REPS2: variants seen among roughly 807,000 people sequenced by gnomAD.
The protein encoded by REPS2 is ralBP1-associated Eps domain-containing protein 2.
In REPS2, 23 loss-of-function variants were observed where a neutral mutation model predicts 53.6. The ratio of observed to expected loss-of-function variants is 0.43; its 90% confidence interval spans 0.31 to 0.61. The LOEUF (loss-of-function observed/expected upper bound fraction) is 0.61, where lower values mean the gene tolerates loss of function less well. REPS2 is among the 20% of genes least tolerant of loss of function. The probability of loss-of-function intolerance (pLI) is 0.11; values close to 1 mark genes in which losing one functional copy is unlikely to be tolerated. For missense variants in REPS2, 446 were observed against 534.9 expected (o/e 0.83, Z 1.64); for synonymous variants, 238 against 218.6 (o/e 1.09, Z -0.78).
intron 2 of REPS2, among the ~76,000 whole-genome samples, chrX:17,016,123 G>A (rs999511285): frequency 3.6e-5 from 4 of 112,064 alleles, no homozygotes; most frequent in South Asian, 3.8e-4. Flanking sequence ...GTGAGATGGT[G>A]TCTCTCTGTG....
rs771402715 is a variant in REPS2, at chrX:17,030,264, T to C, written c.771+641T>C. Among the ~76,000 whole-genome samples, 4 of 111,724 alleles carry C rather than the reference T, an allele frequency of 3.6e-5. No homozygotes were observed. The Admixed American group carries it at 3.8e-4, about 11-fold the overall frequency. ...TGTTCTCTGTCTGCAGCTGTTGCCT[T>C]GTGTAGTGTCTCTGGGTCCTGTGCT... On this transcript the variant is annotated intron_variant, in intron 5 of 17. Transcript: ENST00000357277.
the REPS2 span, among the ~76,000 whole-genome samples, chrX:17,190,572 A>T: frequency 8.9e-6 from 1 of 112,462 alleles, no homozygotes; most frequent in Non-Finnish European, 1.9e-5. Flanking sequence ...ATTCAATGCA[A>T]TCCTAATCAA....
intron 14 of REPS2, among the ~76,000 whole-genome samples, chrX:17,120,038 G>A (rs1310776113): frequency 1.8e-5 from 2 of 110,172 alleles, no homozygotes; most frequent in East Asian, 5.7e-4. Context: ...CACCACGTCC[G>A]GCTAATTTTT....
chrX:17,167,684 A>T, the REPS2 span, among the ~76,000 whole-genome samples: 1 of 108,231 alleles, frequency 9.2e-6, no homozygotes, highest in Non-Finnish European at 1.9e-5. Context: ...ACTTACAGTT[A>T]CATGTTGACA....
intron 13 of REPS2, among the ~76,000 whole-genome samples, chrX:17,090,662 C>A (rs889021305): frequency 3.6e-5 from 4 of 112,346 alleles, no homozygotes; most frequent in African/African-American, 1.3e-4. Flanking sequence ...AGATGATTTG[C>A]AAATATTTTC....
chrX:16,956,515 A>C (rs1054564717), intron 1 of REPS2, among the ~76,000 whole-genome samples: 1 of 110,883 alleles, frequency 9.0e-6, no homozygotes, highest in Non-Finnish European at 1.9e-5. Context: ...TTGCCTAGGC[A>C]ACAGGGTTCA....
chrX:17,153,833 TC>T (rs1312560772), downstream of REPS2, among the ~76,000 whole-genome samples: 1 of 111,132 alleles, frequency 9.0e-6, no homozygotes, highest in Non-Finnish European at 1.9e-5. Flanking sequence ...GGAAGAATCA[TC>T]TATCATTTGG....
intron 3 of REPS2, among the ~76,000 whole-genome samples, chrX:17,024,363 GTTTTTTTT>G (rs900082438): frequency 7.0e-5 from 5 of 71,691 alleles, no homozygotes; most frequent in Middle Eastern, 8.8e-3. Context: ...TACTAGTAAA[GTTTTTTTT>G]TTTTTTTTTT....
chrX:17,178,285 G>A, the REPS2 span, among the ~76,000 whole-genome samples: 46 of 112,305 alleles, frequency 4.1e-4, no homozygotes, highest in African/African-American at 1.4e-3. Context: ...GTTCATTTAT[G>A]TGGTAGGGAG....
intron 1 of REPS2, among the ~76,000 whole-genome samples, chrX:16,965,367 A>C (rs1160957400): frequency 4.1e-5 from 4 of 97,012 alleles, no homozygotes; most frequent in Non-Finnish European, 6.2e-5. Flanking sequence ...CGGGGGGCTG[A>C]CCCCCCCACC....
At chrX:17,004,182 T>A (rs1361017365) in intron 1 of REPS2, among the ~76,000 whole-genome samples, 2 of 111,153 alleles carry the variant, frequency 1.8e-5, no homozygotes. Context: ...TGGAATCTTT[T>A]CATTTTTTTC....
chrX:17,099,932 T>G, intron 13 of REPS2: 1 of 1,125,971 alleles, frequency 8.9e-7, no homozygotes, highest in South Asian at 1.8e-5. Context: ...ACATGAGCTC[T>G]CCACTGGAGT....
At chrX:17,169,964 C>A in the REPS2 span, among the ~76,000 whole-genome samples, 1 of 112,668 alleles carries the variant, frequency 8.9e-6, no homozygotes, top group African/African-American at 3.2e-5. Flanking sequence ...GGCAATCTTA[C>A]ACCCACAGGA....
At chrX:17,071,005 C>T (rs1254344053) in intron 11 of REPS2, among the ~76,000 whole-genome samples, 1 of 111,685 alleles carries the variant, frequency 9.0e-6, no homozygotes, top group Non-Finnish European at 1.9e-5. Flanking sequence ...TATTTTTAGG[C>T]AGCTCCCCAG....
chrX:16,952,608 G>T (rs2060527451), intron 1 of REPS2, among the ~76,000 whole-genome samples: 1 of 112,157 alleles, frequency 8.9e-6, no homozygotes, highest in African/African-American at 3.2e-5. Flanking sequence ...CCTTTGGGGA[G>T]AAGTCTTTTC....
At chrX:16,980,802 C>T (rs1003732508) in intron 1 of REPS2, among the ~76,000 whole-genome samples, 1 of 112,236 alleles carries the variant, frequency 8.9e-6, no homozygotes, top group African/African-American at 3.2e-5. Context: ...GTCCATGGCA[C>T]AGGACGTTAA....
chrX:17,180,942 T>A, the REPS2 span, among the ~76,000 whole-genome samples: 1 of 112,230 alleles, frequency 8.9e-6, no homozygotes, highest in Non-Finnish European at 1.9e-5. Flanking sequence ...ATGCTGTCTC[T>A]TGCTGGCACC....
At chrX:17,048,831 T>C (rs1016583720) in intron 6 of REPS2, among the ~76,000 whole-genome samples, 2 of 113,063 alleles carry the variant, frequency 1.8e-5, no homozygotes, top group Non-Finnish European at 3.7e-5. Context: ...TTATGTACAG[T>C]ATATAATACT....
intron 1 of REPS2, among the ~76,000 whole-genome samples, chrX:16,995,085 G>A (rs764769415): frequency 1.5e-4 from 17 of 112,374 alleles, no homozygotes; most frequent in Admixed American, 1.2e-3. Context: ...CAGCATTGTG[G>A]TTTGTTCTTA....
Sources: allele counts gnomAD v4.1 joint callset (sites outside exome capture counted in the v4.1 genomes callset), GRCh38; gene constraint gnomAD v4.1.1; transcripts MANE v1.5; gene names NCBI Gene and HGNC (gene_info 2026-07-23, HGNC 2026-07-21).